The following ST7 variants were observed in gnomAD, a reference collection of about 807,000 sequenced individuals.
ST7 encodes the protein suppressor of tumorigenicity 7 protein.
ST7 carries 28 observed loss-of-function variants against 78.7 expected under a neutral mutation model. The observed-to-expected ratio is 0.36, with a 90% CI of 0.26 to 0.49. The LOEUF (loss-of-function observed/expected upper bound fraction) is 0.49, where lower values mean the gene tolerates loss of function less well. Ranked by LOEUF, ST7 falls within the 20% of genes least tolerant of loss-of-function variation. The probability of loss-of-function intolerance (pLI) is 0.99; values close to 1 mark genes in which losing one functional copy is unlikely to be tolerated. For synonymous variants in ST7, 247 were observed against 249.6 expected, an observed-to-expected ratio of 0.99 and a Z score of 0.10; for missense variants, 418 against 696.0, an observed-to-expected ratio of 0.60 and a Z score of 4.49.
chr7:117,151,777 T>G (rs1020853276), intron 9 of ST7, among the ~76,000 whole-genome samples: 1 of 152,092 alleles, frequency 6.6e-6, no homozygotes, highest in Non-Finnish European at 1.5e-5. Context: ...GGGTACACTT[T>G]CCACCCCAAA....
At chr7:117,034,442 A>G (rs1253935623) in intron 1 of ST7, among the ~76,000 whole-genome samples, 1 of 152,216 alleles carries the variant, frequency 6.6e-6, no homozygotes, top group Non-Finnish European at 1.5e-5. Context: ...ACAGAACATC[A>G]GTGGTTCTAG....
chr7:116,957,018 G>T, intron 1 of ST7: 1 of 168,036 alleles, frequency 6.0e-6, no homozygotes, highest in Non-Finnish European at 1.3e-5. Flanking sequence ...AGCTAATCGT[G>T]GAATTTAATT....
chr7:117,082,676 T>C (rs893043055), intron 1 of ST7, among the ~76,000 whole-genome samples: 3 of 152,208 alleles, frequency 2.0e-5, no homozygotes, highest in Non-Finnish European at 4.4e-5. Context: ...AAGCATTGCT[T>C]TTATTTAAGG....
At chr7:117,069,218 G>A (rs1167510730) in intron 1 of ST7, among the ~76,000 whole-genome samples, 1 of 152,196 alleles carries the variant, frequency 6.6e-6, no homozygotes. Flanking sequence ...TTAAAACTTA[G>A]TGATCAAAGT....
rs543407592 is a variant in ST7, at chr7:117,207,983, G to A, written c.1255-1804G>A. ...CTCGGGGTCCTTTAAGACTATCACT[G>A]GCAGTAGCAATGTACATTTTAATGG... On this transcript the variant is annotated intron_variant, in intron 12 of 15. Transcript: ENST00000323984. 2.0e-5 allele frequency among the ~76,000 whole-genome samples: 3 copies of A among 151,750 alleles called. No individual in the cohort carries two copies. The South Asian group carries it at 6.3e-4, about 32-fold the overall frequency.
intron 12 of ST7, among the ~76,000 whole-genome samples, chr7:117,206,361 G>C (rs1563167817): frequency 2.0e-5 from 3 of 152,154 alleles, no homozygotes; most frequent in Non-Finnish European, 4.4e-5. Flanking sequence ...GCAAGGCTCT[G>C]TAGGAGGTGT....
chr7:117,221,934 G>A lies in ST7; in HGVS notation c.1510G>A (p.Val504Ile), dbSNP rs1239840172. Residue 504 changes from valine to isoleucine, a missense_variant, in exon 15 of 16, where the codon GTC becomes ATC. Val to Ile is a conservative substitution (Grantham distance 29). Coordinates refer to ENST00000323984, the MANE Select transcript of ST7 (RefSeq NM_001369598.1). Reference sequence around the variant, plus strand: ...GGTCTTCTCCACAGCTTTCCATGAAGTCTCAGTTTACCCAAAGAAGGAGCT... The same window carrying A: ...GGTCTTCTCCACAGCTTTCCATGAAATCTCAGTTTACCCAAAGAAGGAGCT... ...DRELLPSFHE[V>I]SVYPKKELPF... 6.2e-7 allele frequency: 1 copy of A among 1,610,206 alleles called. No homozygotes were observed. The highest frequency in any genetic ancestry group is 8.5e-7 in the Non-Finnish European group (1 of 1,178,564).
At chr7:116,978,126 C>T (rs944832596) in intron 1 of ST7, among the ~76,000 whole-genome samples, 1 of 152,154 alleles carries the variant, frequency 6.6e-6, no homozygotes, top group African/African-American at 2.4e-5. Context: ...TCATATCCTT[C>T]TGGCCAGCCT....
chr7:117,039,377 C>T (rs1797085571), intron 1 of ST7, among the ~76,000 whole-genome samples: 1 of 152,080 alleles, frequency 6.6e-6, no homozygotes, highest in Admixed American at 6.5e-5. Context: ...AGTTCAAGAC[C>T]AGCCTGGGCA....
rs1197047455 is a variant in ST7, at chr7:117,104,760, T to C, written c.234+4916T>C. ...GAATGCGTAAAGAATATGTGGTATA[T>C]ATTGCAGAGATGAACAGAAAACTTC... is the stretch of plus-strand genomic sequence containing the variant. On this transcript the variant is annotated intron_variant, in intron 2 of 15. Coordinates refer to ENST00000323984, the MANE Select transcript of ST7 (RefSeq NM_001369598.1). 2.0e-5 allele frequency among the ~76,000 whole-genome samples: 3 copies of C among 152,330 alleles called. No individual in the cohort carries two copies. The East Asian group carries it at 5.8e-4, about 29-fold the overall frequency.
In ST7 at chr7:117,184,541, G is replaced by A. The variant is rs115035284; in HGVS notation, c.1079-4780G>A. Among the ~76,000 whole-genome samples, 542 of 152,196 alleles carry A rather than the reference G, an allele frequency of 3.6e-3. 3 individuals are homozygous for A. The highest frequency in any genetic ancestry group is 0.014 in the Middle Eastern group (4 of 294). ...TCATCTTATCATTTTATCCATTTCC[G>A]TAGTGATAAAAGCATGAAGTCATAG... On this transcript the variant is annotated intron_variant, in intron 10 of 15. Coordinates refer to ENST00000323984, the MANE Select transcript of ST7 (RefSeq NM_001369598.1).
chr7:117,104,065 G>A (rs1801765924), intron 2 of ST7, among the ~76,000 whole-genome samples: 1 of 152,110 alleles, frequency 6.6e-6, no homozygotes, highest in South Asian at 2.1e-4. Context: ...AGTTAGAATG[G>A]CTTCAAGTGA....
intron 11 of ST7, 117 bp downstream of exon 11, chr7:117,189,510 C>A: frequency 1.5e-6 from 1 of 667,666 alleles, no homozygotes; most frequent in Non-Finnish European, 2.3e-6. Flanking sequence ...TATAAGCATG[C>A]ATTTTCCAAA....
At chr7:117,176,663 C>T (rs1808362526) in intron 10 of ST7, among the ~76,000 whole-genome samples, 2 of 152,080 alleles carry the variant, frequency 1.3e-5, no homozygotes, top group African/African-American at 2.4e-5. Flanking sequence ...GGCTGTTTTC[C>T]ATTTATGTTT....
At chr7:117,224,199 C>A (rs1270488074) in intron 15 of ST7, among the ~76,000 whole-genome samples, 1 of 152,092 alleles carries the variant, frequency 6.6e-6, no homozygotes, top group Non-Finnish European at 1.5e-5. Context: ...CCACTTATTC[C>A]TATTCTATAT....
chr7:117,119,532 C>G, intron 2 of ST7, 29 bp from the exon 3 acceptor site: 1 of 1,599,856 alleles, frequency 6.3e-7, no homozygotes, highest in South Asian at 1.1e-5. Context: ...ATAACAGTGA[C>G]CATAAACACG....
rs535687963 is a variant in ST7, at chr7:117,095,596, G to A, written c.152-4166G>A. 3.0e-4 allele frequency among the ~76,000 whole-genome samples: 46 copies of A among 152,316 alleles called. No individual in the cohort carries two copies. The South Asian group carries it at 9.3e-3, about 31-fold the overall frequency. ...TAACTGAGGTGATATTCTTTGAGCAGTGTGACCTGTTAGAGGTGCCCAGTC... is the reference window on the plus strand; with the variant it reads ...TAACTGAGGTGATATTCTTTGAGCAATGTGACCTGTTAGAGGTGCCCAGTC... On this transcript the variant is annotated intron_variant, in intron 1 of 15. Transcript: ENST00000323984.
chr7:117,225,550 T>C (rs896511478), intron 15 of ST7, among the ~76,000 whole-genome samples: 12 of 152,150 alleles, frequency 7.9e-5, no homozygotes, highest in Admixed American at 7.9e-4. Context: ...GAGTCTTCTC[T>C]GCATCTTCAC....
intron 8 of ST7, among the ~76,000 whole-genome samples, chr7:117,138,013 A>G (rs1207894115): frequency 1.3e-5 from 2 of 152,106 alleles, no homozygotes; most frequent in African/African-American, 4.8e-5. Context: ...AAAGAATAAT[A>G]TAAAGCAGAA....
Sources: gnomAD v4.1 joint callset for allele counts (sites outside exome capture counted in the v4.1 genomes callset) on GRCh38, gnomAD v4.1.1 for gene constraint, MANE v1.5 for transcripts, NCBI Gene and HGNC (gene_info 2026-07-23, HGNC 2026-07-21) for gene names.